Variants in RBFOX1 observed in about 807,000 individuals in gnomAD.
RBFOX1 encodes the protein RNA binding protein fox-1 homolog 1.
A neutral mutation model predicts 57.7 loss-of-function variants in RBFOX1; 8 were observed. The ratio of observed to expected loss-of-function variants is 0.14; its 90% CI spans 0.08 to 0.25. RBFOX1 has a LOEUF of 0.25. Among genes scored for constraint, RBFOX1 ranks in the 10% least tolerant of loss-of-function variants. RBFOX1 has a pLI of 1.00. For missense variants in RBFOX1, 611 were observed against 548.5 expected (o/e 1.11, Z -1.14); for synonymous variants, 326 against 222.4 (o/e 1.47, Z -4.15).
chr16:5,771,207 A>G (rs1366568640), intron 3 of RBFOX1, among the ~76,000 whole-genome samples: 1 of 152,250 alleles, frequency 6.6e-6, no homozygotes, highest in Non-Finnish European at 1.5e-5. Flanking sequence ...GGCAGATAGC[A>G]TTTGTGGACT....
chr16:5,783,835 C>T (rs1427575830), intron 3 of RBFOX1, among the ~76,000 whole-genome samples: 1 of 152,102 alleles, frequency 6.6e-6, no homozygotes, highest in South Asian at 2.1e-4. Context: ...GGCTCTGTGT[C>T]TTGGTTGCTC....
At chr16:5,252,997 G>T (rs1328495970) in intron 1 of RBFOX1, among the ~76,000 whole-genome samples, 1 of 152,196 alleles carries the variant, frequency 6.6e-6, no homozygotes, top group African/African-American at 2.4e-5. Flanking sequence ...CACCGCCGGT[G>T]TGCCTGATTC....
At chr16:7,128,698 A>G (rs913466367) in intron 4 of RBFOX1, among the ~76,000 whole-genome samples, 1 of 152,174 alleles carries the variant, frequency 6.6e-6, no homozygotes, top group African/African-American at 2.4e-5. Flanking sequence ...GTGGGGAACT[A>G]AACTCTACCA....
At chr16:5,615,585 C>G (rs1255682085) in intron 3 of RBFOX1, among the ~76,000 whole-genome samples, 1 of 152,206 alleles carries the variant, frequency 6.6e-6, no homozygotes, top group Non-Finnish European at 1.5e-5. Flanking sequence ...AGTCCCAGCT[C>G]CGTCCTGTTC....
Position 5,759,892 on chromosome 16 carries a change from C to T in RBFOX1, c.319-107411C>T, listed in dbSNP as rs376428475. Reference sequence around the variant, plus strand: ...TGATCAAACGGCCTTAATGCTGCAACCACCTGCAGTTTTACTGTTTAAAAC... The same window carrying T: ...TGATCAAACGGCCTTAATGCTGCAATCACCTGCAGTTTTACTGTTTAAAAC... On this transcript the variant is annotated intron_variant, in intron 3 of 19. Coordinates refer to the RBFOX1 transcript ENST00000641259. 3.3e-4 allele frequency among the ~76,000 whole-genome samples: 50 copies of T among 152,140 alleles called. No individual in the cohort carries two copies. In the South Asian group the frequency reaches 9.8e-3, roughly 30 times the overall value.
intron 3 of RBFOX1, among the ~76,000 whole-genome samples, chr16:5,778,787 C>T (rs1393451103): frequency 1.3e-5 from 2 of 152,264 alleles, no homozygotes; most frequent in East Asian, 3.9e-4. Flanking sequence ...CACCCCTCAG[C>T]CACTGTGCAA....
intron 4 of RBFOX1, among the ~76,000 whole-genome samples, chr16:7,130,691 T>C (rs1052124011): frequency 6.6e-6 from 1 of 152,224 alleles, no homozygotes; most frequent in South Asian, 2.1e-4. Flanking sequence ...TATAATTTTC[T>C]TAAAAGCATA....
intron 1 of RBFOX1, among the ~76,000 whole-genome samples, chr16:5,303,672 C>A (rs145057676): frequency 6.6e-6 from 1 of 151,976 alleles, no homozygotes; most frequent in Non-Finnish European, 1.5e-5. Context: ...AGGAACCAGG[C>A]CTTATAGGTG....
intron 3 of RBFOX1, among the ~76,000 whole-genome samples, chr16:6,750,876 A>T (rs1230673275): frequency 6.6e-6 from 1 of 152,194 alleles, no homozygotes; most frequent in Non-Finnish European, 1.5e-5. Context: ...ATAGTGAGTG[A>T]TGGTAGAAGA....
intron 14 of RBFOX1, among the ~76,000 whole-genome samples, chr16:7,708,057 C>T (rs1235264450): frequency 1.3e-5 from 2 of 152,142 alleles, no homozygotes; most frequent in Non-Finnish European, 2.9e-5. Flanking sequence ...ATTCAAGTAT[C>T]AGGCTGAGTG....
chr16:5,985,917 A>G (rs111311209), intron 4 of RBFOX1, among the ~76,000 whole-genome samples: 192 of 152,306 alleles, frequency 1.3e-3, no homozygotes, highest in African/African-American at 4.4e-3. Context: ...AACCGGTGCT[A>G]CTTTTCATCT....
intron 1 of RBFOX1, among the ~76,000 whole-genome samples, chr16:6,302,300 G>A (rs1256733224): frequency 1.3e-5 from 2 of 151,958 alleles, no homozygotes; most frequent in Non-Finnish European, 2.9e-5. Context: ...GATGCTGAGT[G>A]CTGTATTCAT....
intron 3 of RBFOX1, among the ~76,000 whole-genome samples, chr16:6,674,416 G>A (rs2098787811): frequency 6.6e-6 from 1 of 151,972 alleles, no homozygotes; most frequent in African/African-American, 2.4e-5. Context: ...CCGCCTCCTG[G>A]GTTAAATTGA....
intron 3 of RBFOX1, among the ~76,000 whole-genome samples, chr16:6,955,661 C>T (rs968009681): frequency 6.6e-6 from 1 of 151,104 alleles, no homozygotes; most frequent in African/African-American, 2.5e-5. Flanking sequence ...TTTTGCTACA[C>T]CACCACTTTA....
chr16:5,645,145 A>G (rs929202981), intron 3 of RBFOX1, among the ~76,000 whole-genome samples: 6 of 152,078 alleles, frequency 3.9e-5, no homozygotes, highest in African/African-American at 1.4e-4. Context: ...GGTACTTGAG[A>G]GGCTGAGGCA....
intron 3 of RBFOX1, among the ~76,000 whole-genome samples, chr16:6,894,874 G>A (rs140028301): frequency 3.3e-5 from 5 of 152,230 alleles, no homozygotes; most frequent in African/African-American, 1.2e-4. Flanking sequence ...GTTCTCAAAT[G>A]GATGTTTCAT....
chr16:6,011,107 G>C lies in RBFOX1; in HGVS notation c.351+143772G>C, dbSNP rs115529885. Reference sequence around the variant, plus strand: ...AAAAGACTAGGACTTAAAGTTAAGTGCATTTGAAAGAAATCGATTGTCAAT... The same window carrying C: ...AAAAGACTAGGACTTAAAGTTAAGTCCATTTGAAAGAAATCGATTGTCAAT... On this transcript the variant is annotated intron_variant, in intron 4 of 19. Coordinates refer to the RBFOX1 transcript ENST00000641259. 3.5e-3 allele frequency among the ~76,000 whole-genome samples: 530 copies of C among 152,282 alleles called. 5 individuals carry two copies. The highest frequency in any genetic ancestry group is 2.9e-3 in the Non-Finnish European group (198 of 68,024).
chr16:6,941,300 C>CTCCCTCCCTCCTTCCT (rs1555654057), intron 3 of RBFOX1, among the ~76,000 whole-genome samples: 2 of 79,154 alleles, frequency 2.5e-5, no homozygotes, highest in African/African-American at 5.7e-5. Flanking sequence ...CCCTCCCTCC[C>CTCCCTCCCTCCTTCCT]TCCTTCCTTC....
intron 5 of RBFOX1, among the ~76,000 whole-genome samples, chr16:7,543,054 G>T (rs553866279): frequency 6.6e-6 from 1 of 152,168 alleles, no homozygotes; most frequent in Non-Finnish European, 1.5e-5. Context: ...AATCCTATAG[G>T]TGGGGGAAAG....
Sources: allele counts gnomAD v4.1 joint callset (sites outside exome capture counted in the v4.1 genomes callset), GRCh38; gene constraint gnomAD v4.1.1; transcripts MANE v1.5; gene names NCBI Gene and HGNC (gene_info 2026-07-23, HGNC 2026-07-21).